The following GRM1 variants were observed in gnomAD, a reference collection of about 807,000 sequenced individuals.
GRM1 encodes glutamate metabotropic receptor 1.
Under a neutral mutation model 90.9 loss-of-function variants are expected in GRM1, and 33 were observed. The ratio of observed to expected loss-of-function variants is 0.36; its 90% CI spans 0.28 to 0.49. The LOEUF is 0.49. Among genes scored for constraint, GRM1 ranks in the 20% least tolerant of loss-of-function variants. GRM1 has a pLI of 0.99. For synonymous variants in GRM1, 700 were observed against 613.2 expected, an observed-to-expected ratio of 1.14 and a Z score of -2.09; for missense variants, 1,190 against 1,534.3, an observed-to-expected ratio of 0.78 and a Z score of 3.75.
intron 3 of GRM1, among the ~76,000 whole-genome samples, chr6:146,309,759 G>C (rs1411982043): frequency 6.6e-6 from 1 of 151,560 alleles, no homozygotes; most frequent in Non-Finnish European, 1.5e-5. Context: ...TGTTGTTACT[G>C]TTTTGGGATT....
chr6:146,373,752 T>C (rs1392084389), intron 5 of GRM1, among the ~76,000 whole-genome samples: 1 of 152,186 alleles, frequency 6.6e-6, no homozygotes, highest in Non-Finnish European at 1.5e-5. Flanking sequence ...TAAGTTCTAA[T>C]AGTTTTATTG....
At chr6:146,202,974 T>TC (rs781427501) in intron 2 of GRM1, among the ~76,000 whole-genome samples, 40 of 152,092 alleles carry the variant, frequency 2.6e-4, no homozygotes, top group Middle Eastern at 3.4e-3. Context: ...GGCGGGCGGA[T>TC]CACGAGGTCA....
At chr6:146,284,863 G>T (rs1305094529) in intron 2 of GRM1, among the ~76,000 whole-genome samples, 1 of 152,162 alleles carries the variant, frequency 6.6e-6, no homozygotes, top group East Asian at 1.9e-4. Context: ...GTGTAAGAAT[G>T]AACTAAAACA....
At chr6:146,095,579 A>G (rs182524228) in intron 1 of GRM1, among the ~76,000 whole-genome samples, 1 of 152,142 alleles carries the variant, frequency 6.6e-6, no homozygotes. Context: ...CTTCTTCTTT[A>G]TCACTTATCA....
intron 1 of GRM1, among the ~76,000 whole-genome samples, chr6:146,068,602 T>C (rs1034460330): frequency 6.6e-6 from 1 of 152,174 alleles, no homozygotes; most frequent in Non-Finnish European, 1.5e-5. Flanking sequence ...ATCTACAGAA[T>C]GAATAATCAG....
intron 1 of GRM1, among the ~76,000 whole-genome samples, chr6:146,058,083 C>A (rs182974810): frequency 8.5e-5 from 13 of 152,128 alleles, no homozygotes; most frequent in Admixed American, 2.0e-4. Flanking sequence ...AGTTTTTCCA[C>A]ATTAGTGTTA....
intron 2 of GRM1, among the ~76,000 whole-genome samples, chr6:146,264,926 C>T (rs1217707458): frequency 6.6e-6 from 1 of 152,084 alleles, no homozygotes; most frequent in East Asian, 1.9e-4. Context: ...TTTCTTTATT[C>T]AGGTATCACT....
chr6:146,289,075 T>C (rs777427985), intron 2 of GRM1, among the ~76,000 whole-genome samples: 1 of 152,198 alleles, frequency 6.6e-6, no homozygotes, highest in Non-Finnish European at 1.5e-5. Context: ...TACTATGCTA[T>C]ATGAATGGTT....
chr6:146,365,226 T>C (rs1034718739), intron 5 of GRM1: 3 of 140,308 alleles, frequency 2.1e-5, no homozygotes, highest in African/African-American at 8.9e-5. Context: ...TTGTTGTGAA[T>C]GTAAAAAAAA....
intron 1 of GRM1, among the ~76,000 whole-genome samples, chr6:146,120,050 A>G (rs1376781812): frequency 6.6e-6 from 1 of 152,092 alleles, no homozygotes; most frequent in Non-Finnish European, 1.5e-5. Flanking sequence ...CATTTTCACG[A>G]TATTGATTAT....
intron 2 of GRM1, among the ~76,000 whole-genome samples, chr6:146,248,343 A>G (rs1236524257): frequency 2.6e-5 from 4 of 152,310 alleles, no homozygotes; most frequent in Admixed American, 6.5e-5. Context: ...CCCAAACCTT[A>G]TCTCAAATTG....
chr6:146,062,042 G>A (rs769164170), intron 1 of GRM1, among the ~76,000 whole-genome samples: 14 of 152,076 alleles, frequency 9.2e-5, no homozygotes, highest in Admixed American at 5.2e-4. Flanking sequence ...AGACACACAC[G>A]CACGTATGTT....
upstream of GRM1, among the ~76,000 whole-genome samples, chr6:146,028,798 G>A (rs1306553392): frequency 6.6e-6 from 1 of 152,104 alleles, no homozygotes; most frequent in Non-Finnish European, 1.5e-5. Flanking sequence ...CCTTTACAAT[G>A]AGTTTCCAAA....
chr6:146,232,237 A>C (rs1318133472), intron 2 of GRM1, among the ~76,000 whole-genome samples: 1 of 152,080 alleles, frequency 6.6e-6, no homozygotes, highest in Non-Finnish European at 1.5e-5. Context: ...TAGAGGCCAG[A>C]AGTCAGAGTT....
intron 1 of GRM1, among the ~76,000 whole-genome samples, chr6:146,107,360 GT>G (rs67390004): frequency 0.26 from 37,579 of 145,834 alleles, 9,089 homozygotes; most frequent in African/African-American, 0.64. Flanking sequence ...TTTCCAGGTA[GT>G]TTTTTTTTTT....
intron 1 of GRM1, among the ~76,000 whole-genome samples, chr6:146,109,660 C>G (rs886700765): frequency 6.6e-6 from 1 of 152,102 alleles, no homozygotes; most frequent in Admixed American, 6.5e-5. Context: ...CCTCCAGACC[C>G]CAGAATGATA....
At chr6:146,392,238 C>G (rs766667287) in intron 6 of GRM1, among the ~76,000 whole-genome samples, 13 of 152,050 alleles carry the variant, frequency 8.5e-5, no homozygotes, top group Non-Finnish European at 1.3e-4. Context: ...AAACTTCTGC[C>G]CTAGCTAACC....
At chr6:146,103,285 C>T (rs1777111240) in intron 1 of GRM1, among the ~76,000 whole-genome samples, 1 of 152,094 alleles carries the variant, frequency 6.6e-6, no homozygotes, top group African/African-American at 2.4e-5. Flanking sequence ...TAGTGAGGGA[C>T]ACCATGATGT....
chr6:146,251,354 A>T (rs1035777310), intron 2 of GRM1, among the ~76,000 whole-genome samples: 3 of 152,154 alleles, frequency 2.0e-5, no homozygotes, highest in African/African-American at 7.2e-5. Flanking sequence ...GTCCTCTTTC[A>T]TAGTGCTTTT....
Sources: allele counts gnomAD v4.1 joint callset (sites outside exome capture counted in the v4.1 genomes callset), GRCh38; gene constraint gnomAD v4.1.1; transcripts MANE v1.5; gene names NCBI Gene and HGNC (gene_info 2026-07-23, HGNC 2026-07-21).